CLEC16A: variants seen among roughly 807,000 people sequenced by gnomAD.
CLEC16A encodes C-type lectin domain containing 16A.
Under a neutral mutation model 109.5 loss-of-function variants are expected in CLEC16A, and 51 were observed. The ratio of observed to expected loss-of-function variants is 0.47; its 90% CI spans 0.37 to 0.59. CLEC16A has a LOEUF of 0.59. Among genes scored for constraint, CLEC16A ranks in the 20% least tolerant of loss-of-function variants. CLEC16A has a pLI of 0.00. For synonymous variants in CLEC16A, 673 were observed against 564.2 expected (o/e 1.19, Z -2.73); for missense variants, 1,339 against 1,394.0 (o/e 0.96, Z 0.63).
At chr16:11,022,619 G>A (rs1240597066) in intron 12 of CLEC16A, among the ~76,000 whole-genome samples, 1 of 152,032 alleles carries the variant, frequency 6.6e-6, no homozygotes, top group African/African-American at 2.4e-5. Flanking sequence ...GGCCTAAGAG[G>A]CCGGGTGCAG....
intron 22 of CLEC16A, among the ~76,000 whole-genome samples, chr16:11,141,415 T>C (rs74999500): frequency 0.017 from 2,540 of 152,190 alleles, 82 homozygotes; most frequent in African/African-American, 0.058. Context: ...GGGGGATACC[T>C]GAAGTGGTGG....
intron 22 of CLEC16A, among the ~76,000 whole-genome samples, chr16:11,155,387 G>A (rs900591199): frequency 6.6e-6 from 1 of 152,184 alleles, no homozygotes; most frequent in Non-Finnish European, 1.5e-5. Context: ...CCTCACCACC[G>A]TATCCTGTAG....
chr16:11,178,869 T>C lies in CLEC16A; in HGVS notation c.*179T>C. 1.8e-6 allele frequency: 1 copy of C among 551,310 alleles called. No individual in the cohort carries two copies. Among genetic ancestry groups the C allele is most frequent in the Admixed American group, 3.5e-5 (1 of 28,208 alleles). 34.2% of individuals were successfully genotyped at this position (551,310 alleles called of 1,614,324 possible). ...AGCCCCACGTTGTCCTTGAATTCCT[T>C]TTTCACTTTGCATCTCTTCACGTGC... On this transcript the variant is annotated 3_prime_UTR_variant, in exon 24 of 24. Transcript: ENST00000409790. The surrounding 1 kb of genome is among the most constrained non-coding windows in gnomAD (Gnocchi z 6.5).
intron 20 of CLEC16A, 33 bp downstream of exon 20, chr16:11,120,799 C>T (rs2052347176): frequency 1.4e-6 from 2 of 1,455,162 alleles, no homozygotes; most frequent in Non-Finnish European, 1.8e-6. Context: ...GATCTGTTCT[C>T]AGTTGGCTAC....
At chr16:10,962,730 A>G (rs958389321) in intron 3 of CLEC16A, 142 bp downstream of exon 3, 5 of 937,004 alleles carry the variant, frequency 5.3e-6, no homozygotes, top group African/African-American at 5.0e-5. Flanking sequence ...GGGTTAAACA[A>G]TAGAGATTTG....
intron 22 of CLEC16A, among the ~76,000 whole-genome samples, chr16:11,141,611 T>C (rs552382418): frequency 4.6e-5 from 7 of 152,354 alleles, no homozygotes; most frequent in African/African-American, 1.7e-4. Context: ...GACGCATGTC[T>C]GTCCAAGCTC....
intron 22 of CLEC16A, among the ~76,000 whole-genome samples, chr16:11,144,950 C>A (rs2053990443): frequency 6.6e-6 from 1 of 152,142 alleles, no homozygotes; most frequent in African/African-American, 2.4e-5. Flanking sequence ...GGGGCTAACT[C>A]ACTTTTGTAC....
intron 19 of CLEC16A, among the ~76,000 whole-genome samples, chr16:11,090,276 G>A (rs1354732114): frequency 6.6e-6 from 1 of 152,040 alleles, no homozygotes; most frequent in African/African-American, 2.4e-5. Flanking sequence ...GTCTGGTCTC[G>A]AACTCTGGAC....
chr16:11,123,492 A>G (rs1006534417), intron 20 of CLEC16A, among the ~76,000 whole-genome samples: 2 of 152,216 alleles, frequency 1.3e-5, no homozygotes. Flanking sequence ...GAAAACAGGC[A>G]CCAGCCACCA....
chr16:10,947,202 G>T (rs1197913348), intron 1 of CLEC16A, among the ~76,000 whole-genome samples: 2 of 152,254 alleles, frequency 1.3e-5, no homozygotes, highest in East Asian at 1.9e-4. Context: ...GTGTATTGGT[G>T]GGGGGGTTAG....
rs1455660774 is a variant in CLEC16A, at chr16:11,129,849, G to A, written c.2641+3703G>A. On this transcript the variant is annotated intron_variant, in intron 22 of 23. Coordinates refer to ENST00000409790, the MANE Select transcript of CLEC16A (RefSeq NM_015226.3). Reference sequence around the variant, plus strand: ...ACAGTCTTGGCTCACTGCAAGCTCCGCCTCCCGGGTTCACACCATTCTCCT... The same window carrying A: ...ACAGTCTTGGCTCACTGCAAGCTCCACCTCCCGGGTTCACACCATTCTCCT... 1.0e-4 allele frequency among the ~76,000 whole-genome samples: 15 copies of A among 148,498 alleles called. 1 individual carries two copies. The highest frequency in any genetic ancestry group is 9.5e-4 in the Admixed American group (14 of 14,704).
intron 1 of CLEC16A, among the ~76,000 whole-genome samples, chr16:10,946,303 G>A (rs1204939839): frequency 1.3e-5 from 2 of 152,192 alleles, no homozygotes; most frequent in East Asian, 3.8e-4. Context: ...ATGTGTCCCC[G>A]GGAGTGGGGT....
At chr16:11,013,079 T>C (rs2045535502) in intron 11 of CLEC16A, among the ~76,000 whole-genome samples, 1 of 152,176 alleles carries the variant, frequency 6.6e-6, no homozygotes, top group Admixed American at 6.5e-5. Context: ...TGTACATCTC[T>C]GGGATGAGGG....
intron 19 of CLEC16A, among the ~76,000 whole-genome samples, chr16:11,116,148 G>C (rs943415985): frequency 1.3e-5 from 2 of 152,094 alleles, no homozygotes; most frequent in Non-Finnish European, 2.9e-5. Flanking sequence ...CCAGCACTTT[G>C]GGAGGTCAAG....
intron 1 of CLEC16A, among the ~76,000 whole-genome samples, chr16:10,948,018 A>C (rs1045715202): frequency 2.0e-4 from 31 of 151,760 alleles, no homozygotes; most frequent in Admixed American, 4.6e-4. Context: ...CTCAGCCTCC[A>C]GAGTAGCTGG....
intron 19 of CLEC16A, among the ~76,000 whole-genome samples, chr16:11,105,210 C>T (rs557363233): frequency 6.6e-6 from 1 of 152,232 alleles, no homozygotes; most frequent in Non-Finnish European, 1.5e-5. Context: ...AAGATGAGAT[C>T]GTGTCTCTGG....
chr16:11,092,800 CTG>C (rs1458606105), intron 19 of CLEC16A, among the ~76,000 whole-genome samples: 1 of 152,132 alleles, frequency 6.6e-6, no homozygotes, highest in Non-Finnish European at 1.5e-5. Context: ...TTCTGAAACT[CTG>C]TGGGCCTCGG....
rs1269544776 is a variant in CLEC16A at position 11,180,845 on chromosome 16, T to G, written c.*2155T>G. 1 of 152,222 alleles carries G rather than the reference T, an allele frequency of 6.6e-6. No individual in the cohort carries two copies. The highest frequency in any genetic ancestry group is 1.5e-5 in the Non-Finnish European group (1 of 68,200). The allele number at this position is 152,222 out of a possible 1,614,324, so 9.4% of individuals were successfully genotyped here. ...ACCACTGAGCACTGAAGGAGAGAGG[T>G]CTTGGTCAGGGCTGGACAGCATGCC... On this transcript the variant is annotated 3_prime_UTR_variant, in exon 24 of 24. Coordinates refer to ENST00000409790, the MANE Select transcript of CLEC16A (RefSeq NM_015226.3).
At chr16:11,059,270 C>A (rs180952728) in intron 18 of CLEC16A, among the ~76,000 whole-genome samples, 26 of 152,282 alleles carry the variant, frequency 1.7e-4, no homozygotes, top group African/African-American at 6.3e-4. Flanking sequence ...TTAGAGATGT[C>A]TTTATGAAGA....
Sources: allele counts gnomAD v4.1 joint callset (sites outside exome capture counted in the v4.1 genomes callset), GRCh38; gene constraint gnomAD v4.1.1; non-coding constraint Gnocchi (gnomAD v3.1); transcripts MANE v1.5; gene names NCBI Gene and HGNC (gene_info 2026-07-23, HGNC 2026-07-21).